PRRC2B: variants seen among roughly 807,000 people sequenced by gnomAD.
PRRC2B encodes proline rich coiled-coil 2B.
In PRRC2B, 68 loss-of-function variants were observed where a neutral mutation model predicts 242.3. The ratio of observed to expected loss-of-function variants is 0.28; its 90% CI spans 0.23 to 0.34. The LOEUF (loss-of-function observed/expected upper bound fraction) is 0.34, where lower values mean the gene tolerates loss of function less well. Ranked by LOEUF, PRRC2B falls within the 10% of genes least tolerant of loss-of-function variation. PRRC2B has a pLI of 1.00. For missense variants in PRRC2B, 2,835 were observed against 2,954.8 expected (o/e 0.96, Z 0.94); for synonymous variants, 1,228 against 1,173.6 (o/e 1.05, Z -0.95).
intron 2 of PRRC2B, 63 bp downstream of exon 2, chr9:131,430,322 C>G (rs1224980655): frequency 1.0e-6 from 1 of 995,642 alleles, no homozygotes; most frequent in East Asian, 2.6e-5. Context: ...CCCAGAAACC[C>G]AGAGTCCCTC....
intron 16 of PRRC2B, 56 bp downstream of exon 16, chr9:131,476,591 A>G (rs1022197805): frequency 7.4e-6 from 11 of 1,489,640 alleles, no homozygotes; most frequent in Non-Finnish European, 9.9e-6. Context: ...TCTCAGCAGC[A>G]CTGAGTTCAC....
chr9:131,428,255 C>T (rs1381998599), intron 1 of PRRC2B, among the ~76,000 whole-genome samples: 1 of 151,774 alleles, frequency 6.6e-6, no homozygotes, highest in African/African-American at 2.4e-5. Flanking sequence ...GGATCTTGCT[C>T]TGTTGCTCGG....
rs1407067385 is a variant in PRRC2B at position 131,497,367 on chromosome 9, AG to A, written c.*1495del. On this transcript the variant is annotated 3_prime_UTR_variant, in exon 32 of 32. Coordinates refer to ENST00000683519, the MANE Select transcript of PRRC2B (RefSeq NM_013318.4). ...AATCACTCCAGATTCTGTCATTCCAAGGAAAGGGAAGGGGACAGTTCAGGTT... is the reference window on the plus strand; with the variant it reads ...AATCACTCCAGATTCTGTCATTCCAAGAAAGGGAAGGGGACAGTTCAGGTT... 2.0e-5 allele frequency: 3 copies of A among 152,236 alleles called. No homozygotes were observed. The highest frequency in any genetic ancestry group is 4.4e-5 in the Non-Finnish European group (3 of 68,052). The allele number at this position is 152,236 out of a possible 1,614,324, so 9.4% of individuals were successfully genotyped here. A position where few individuals can be genotyped will look rare whatever the true frequency, so the allele number is the denominator to read the frequency against.
Position 131,445,643 on chromosome 9 carries a change from A to C in PRRC2B, c.614-758A>C, listed in dbSNP as rs1838776241. Among the ~76,000 whole-genome samples the C allele has an allele frequency of 2.0e-5, 3 of 152,176 alleles. No individual in the cohort carries two copies. In the South Asian group the frequency reaches 6.2e-4, roughly 31 times the overall value. On this transcript the variant is annotated intron_variant, in intron 6 of 31. Coordinates refer to ENST00000683519, the MANE Select transcript of PRRC2B (RefSeq NM_013318.4). ...CTTGGCTTGCCCCAAATCACACAGC[A>C]AAGGGGTTGAAGAGCTGGGATCAGA...
intron 28 of PRRC2B, among the ~76,000 whole-genome samples, chr9:131,489,282 G>A (rs964817549): frequency 6.6e-6 from 1 of 151,534 alleles, no homozygotes; most frequent in Non-Finnish European, 1.5e-5. Context: ...TGTCTCCTGG[G>A]TTCAAGCAAT....
At chr9:131,440,512 G>T (rs1006542756) in intron 5 of PRRC2B, among the ~76,000 whole-genome samples, 2 of 152,150 alleles carry the variant, frequency 1.3e-5, no homozygotes, top group African/African-American at 4.8e-5. Context: ...AGCCAGTTTG[G>T]CGCTGCCTGG....
At chr9:131,493,757 G>A (rs1418809192) in intron 30 of PRRC2B, among the ~76,000 whole-genome samples, 3 of 152,218 alleles carry the variant, frequency 2.0e-5, no homozygotes, top group African/African-American at 7.2e-5. Flanking sequence ...TTGGGGGAGT[G>A]CTGTCCCCAG....
At chr9:131,430,053 T>C (rs1233350244) in intron 1 of PRRC2B, 41 bp from the exon 2 acceptor site, 1 of 657,494 alleles carries the variant, frequency 1.5e-6, no homozygotes, top group East Asian at 2.9e-5. Context: ...TTTTTTTTTT[T>C]CTCTCTCTTT....
chr9:131,473,860 C>T, intron 15 of PRRC2B, 136 bp downstream of exon 15: 2 of 648,952 alleles, frequency 3.1e-6, no homozygotes, highest in Non-Finnish European at 5.3e-6. Flanking sequence ...ACTCCTGGTT[C>T]CTCTGGGGAA....
At position 131,420,497 on chromosome 9, in the gene PRRC2B, T is replaced by TTTCTTTCGTTCGTTC. The variant is rs1837801640; in HGVS notation, c.-51-9595_-51-9594insCTTTCGTTCGTTCTT. Among the ~76,000 whole-genome samples, 7 of 16,432 alleles carry TTTCTTTCGTTCGTTC rather than the reference T, an allele frequency of 4.3e-4. 2 individuals carry two copies. The highest frequency in any genetic ancestry group is 2.1e-3 in the Admixed American group (2 of 932). 10.8% of individuals were successfully genotyped at this position (16,432 alleles called of 152,430 possible). On this transcript the variant is annotated intron_variant, in intron 1 of 31. Transcript: ENST00000683519. ...TCTTTCTTTCTTTCTTTCTTTCTTTTTTTTTTTTTTTTTGAGATGGAGGCT... is the reference window on the plus strand; with the variant it reads ...TCTTTCTTTCTTTCTTTCTTTCTTTTTTCTTTCGTTCGTTCTTTTTTTTTTTTTGAGATGGAGGCT...
In PRRC2B at chr9:131,470,979, C is replaced by T. The variant is rs1316408503; in HGVS notation, c.2103C>T (p.Pro701=). ...ACTTCTACCCCTCCGCCCTGCATCCCTCAGGTAAGCACTGTGGTCTGACGG... is the reference window on the plus strand; with the variant it reads ...ACTTCTACCCCTCCGCCCTGCATCCTTCAGGTAAGCACTGTGGTCTGACGG... ...PVDFYPSALH[P]SGLMKPMMPQ... is the part of the protein sequence containing the mutation. The change falls in exon 14 of 32, where the codon CCC becomes CCT. Residue 701 remains proline, a synonymous_variant. Coordinates refer to ENST00000683519, the MANE Select transcript of PRRC2B (RefSeq NM_013318.4). 6.2e-7 allele frequency: 1 copy of T among 1,609,418 alleles called. No individual in the cohort carries two copies. The highest frequency in any genetic ancestry group is 1.1e-5 in the South Asian group (1 of 90,844).
chr9:131,459,300 G>C lies in PRRC2B; in HGVS notation c.1348G>C (p.Asp450His). 6.2e-7 allele frequency: 1 copy of C among 1,613,942 alleles called. No homozygotes were observed. The part of the protein sequence containing the change: ...GASRVVRKAP[D>H]PQPPPRKLHG... ...GTCCCGTGTGGTCCGAAAGGCGCCA[G>C]ACCCTCAGCCACCGCCCAGGAAGCT... The change falls in exon 11 of 32, where the codon GAC becomes CAC. Residue 450 changes from aspartate to histidine, a missense_variant. Around this residue, in one of 7 missense-constraint regions of PRRC2B, gnomAD observed 626 missense variants for 685.5 expected, o/e 0.91. Transcript: ENST00000683519.
At position 131,487,364 on chromosome 9, in the gene PRRC2B, G is replaced by C; in HGVS notation, c.5984+70G>C. On this transcript the variant is annotated intron_variant, in intron 27 of 31. Transcript: ENST00000683519. The surrounding 1 kb of genome is among the most constrained non-coding windows in gnomAD (Gnocchi z 5.3). Reference sequence around the variant, plus strand: ...GGCCTTGGCCCTGTGTGCAGCCTTCGTCCTGCAGCTGTTTGGTGCTTGTCT... The same window carrying C: ...GGCCTTGGCCCTGTGTGCAGCCTTCCTCCTGCAGCTGTTTGGTGCTTGTCT... The C allele has an allele frequency of 7.1e-7, 1 of 1,409,236 alleles. No individual in the cohort carries two copies. Among genetic ancestry groups the C allele is most frequent in the South Asian group, 1.4e-5 (1 of 70,336 alleles). The allele number at this position is 1,409,236 out of a possible 1,614,324, so 87.3% of individuals were successfully genotyped here. A position where few individuals can be genotyped will look rare whatever the true frequency, so the allele number is the denominator to read the frequency against.
At chr9:131,491,797 A>G (rs1357219716) in intron 29 of PRRC2B, among the ~76,000 whole-genome samples, 1 of 152,188 alleles carries the variant, frequency 6.6e-6, no homozygotes, top group Non-Finnish European at 1.5e-5. Flanking sequence ...ATTCCTCCCC[A>G]GCTCCCCAGG....
intron 8 of PRRC2B, 88 bp from the exon 9 acceptor site, chr9:131,447,574 T>C: frequency 8.0e-7 from 1 of 1,248,094 alleles, no homozygotes; most frequent in Non-Finnish European, 1.1e-6. Flanking sequence ...CATGAACCTT[T>C]GCAGTGTGGA....
At chr9:131,400,963 CTTTT>C (rs765033495) in intron 1 of PRRC2B, among the ~76,000 whole-genome samples, 1 of 131,354 alleles carries the variant, frequency 7.6e-6, no homozygotes. Flanking sequence ...TTCTTTCTTT[CTTTT>C]TTTTTTTTTT....
chr9:131,467,593 C>T lies in PRRC2B; in HGVS notation c.1751C>T (p.Pro584Leu). 3 of 1,612,036 alleles carry T rather than the reference C, an allele frequency of 1.9e-6. No homozygotes were observed. In the South Asian group the frequency reaches 3.3e-5, roughly 18 times the overall value. The part of the protein sequence containing the change: ...GSPEFPAQET[P>L]TTFPEEAPTV... Reference sequence around the variant, plus strand: ...CCAGAATTCCCTGCCCAAGAGACCCCCACCACATTCCCAGAAGAGGCACCC... The same window carrying T: ...CCAGAATTCCCTGCCCAAGAGACCCTCACCACATTCCCAGAAGAGGCACCC... The change falls in exon 13 of 32, where the codon CCC becomes CTC. Residue 584 changes from proline to leucine, a missense_variant. Physicochemically the swap from Pro to Leu is moderately conservative, Grantham distance 98. This residue lies in a region of PRRC2B where 1,536 missense variants were observed against 1,483.1 expected (regional missense o/e 1.04). Coordinates refer to ENST00000683519, the MANE Select transcript of PRRC2B (RefSeq NM_013318.4).
rs146073511 is a variant in PRRC2B, at chr9:131,420,493, C to CTTTTT, written c.-51-9588_-51-9584dup. On this transcript the variant is annotated intron_variant, in intron 1 of 31. Transcript: ENST00000683519. ...TCTTTCTTTCTTTCTTTCTTTCTTTCTTTTTTTTTTTTTTTTTGAGATGGA... is the reference window on the plus strand; with the variant it reads ...TCTTTCTTTCTTTCTTTCTTTCTTTCTTTTTTTTTTTTTTTTTTTTTTGAGATGGA... Among the ~76,000 whole-genome samples the CTTTTT allele has an allele frequency of 5.1e-3, 153 of 30,182 alleles. 6 individuals carry two copies. The highest frequency in any genetic ancestry group is 0.039 in the East Asian group (24 of 612). The allele number at this position is 30,182 out of a possible 152,430, so 19.8% of individuals were successfully genotyped here.
chr9:131,436,516 T>G (rs1588249899), intron 3 of PRRC2B, 104 bp from the exon 4 acceptor site: 1 of 816,770 alleles, frequency 1.2e-6, no homozygotes, highest in South Asian at 1.7e-5. Context: ...CCAGAGGAGG[T>G]CTGCTTCCTG....
Sources: allele counts gnomAD v4.1 joint callset (sites outside exome capture counted in the v4.1 genomes callset), GRCh38; gene constraint gnomAD v4.1.1; regional missense constraint gnomAD v4.1.1; non-coding constraint Gnocchi (gnomAD v3.1); transcripts MANE v1.5; gene names NCBI Gene and HGNC (gene_info 2026-07-23, HGNC 2026-07-21).